Variants in ZNF761 observed in about 807,000 individuals in gnomAD.
ZNF761 encodes the protein zinc finger protein 761.
A neutral mutation model predicts 59.9 loss-of-function variants in ZNF761; 43 were observed. That is an observed-to-expected ratio of 0.72 (90% CI 0.56 to 0.92). ZNF761 has a LOEUF of 0.92. ZNF761 is among the 40% of genes least tolerant of loss of function. ZNF761 has a pLI of 0.00. For missense variants in ZNF761, 850 were observed against 906.1 expected, an observed-to-expected ratio of 0.94 and a Z score of 0.79; for synonymous variants, 294 against 304.8, an observed-to-expected ratio of 0.96 and a Z score of 0.37.
intron 1 of ZNF761, among the ~76,000 whole-genome samples, chr19:53,440,600 G>A (rs1474540490): frequency 2.0e-5 from 3 of 151,994 alleles, no homozygotes; most frequent in Non-Finnish European, 4.4e-5. Flanking sequence ...TTCCCTTTTT[G>A]CAGGATGGGG....
chr19:53,441,795 G>A (rs1249262540), intron 1 of ZNF761: 1 of 1,066,676 alleles, frequency 9.4e-7, no homozygotes, highest in African/African-American at 1.6e-5. Context: ...CATAATCACA[G>A]AGAGGAGTCT....
chr19:53,455,013 A>C lies in ZNF761; in HGVS notation c.506A>C (p.His169Pro), dbSNP rs561910337. The C allele has an allele frequency of 8.1e-6, 13 of 1,614,056 alleles. No homozygotes were observed. The highest frequency in any genetic ancestry group is 1.1e-5 in the Non-Finnish European group (13 of 1,180,034). Residue 169 changes from histidine to proline, a missense_variant, in exon 5 of 5, where the codon CAC becomes CCC. Coordinates refer to ENST00000684525, the MANE Select transcript of ZNF761 (RefSeq NM_001289951.2). Reference protein sequence around the residue: ...KIDNQVVKSVHDASLVSTAQR... With the variant: ...KIDNQVVKSVPDASLVSTAQR... ...GATAATCAAGTTGTGAAGTCTGTCC[A>C]CGATGCTTCCTTGGTTTCAACAGCC... is the stretch of plus-strand genomic sequence containing the variant.
intron 4 of ZNF761, among the ~76,000 whole-genome samples, chr19:53,450,902 G>A (rs2086216065): frequency 6.6e-6 from 1 of 151,932 alleles, no homozygotes; most frequent in Admixed American, 6.6e-5. Flanking sequence ...GTCTAATGCA[G>A]GAGAGTCACT....
In ZNF761 at chr19:53,456,268, C is replaced by T; in HGVS notation, c.1761C>T (p.Tyr587=). The T allele has an allele frequency of 1.2e-6, 2 of 1,613,748 alleles. No homozygotes were observed. Among genetic ancestry groups the T allele is most frequent in the South Asian group, 1.1e-5 (1 of 91,050 alleles). The change falls in exon 5 of 5, where the codon TAC becomes TAT. Residue 587 remains tyrosine, a synonymous_variant. Coordinates refer to ENST00000684525, the MANE Select transcript of ZNF761 (RefSeq NM_001289951.2). ...AATGTGAAGATAGTGACAAAGCTTA[C>T]AGTTTCAAATCAAACCTTGAAATAC... is the stretch of plus-strand genomic sequence containing the variant. ...PYKCEDSDKA[Y]SFKSNLEIHQ...
rs2086279874 is a variant in ZNF761 at position 53,457,152 on chromosome 19, CTT to C, written c.*406_*407del. On this transcript the variant is annotated 3_prime_UTR_variant, in exon 5 of 5. Coordinates refer to ENST00000684525, the MANE Select transcript of ZNF761 (RefSeq NM_001289951.2). The stretch of plus-strand genomic sequence containing the variant: ...TCAGGCAATCCATGGTGTAGGGAAA[CTT>C]TACTAAGGTAATGATTGTCACAAAG... 1.9e-6 allele frequency: 1 copy of C among 513,764 alleles called. No individual in the cohort carries two copies. Among genetic ancestry groups the C allele is most frequent in the Admixed American group, 2.3e-5 (1 of 42,990 alleles). The allele number at this position is 513,764 out of a possible 1,614,324, so 31.8% of individuals were successfully genotyped here.
Position 53,457,500 on chromosome 19 carries a change from A to G in ZNF761, c.*752A>G, listed in dbSNP as rs373754722. The stretch of plus-strand genomic sequence containing the variant: ...GACAGAAATCTTACAAATGTCATCA[A>G]TGTGCCAAGGTCTTCAGTCTGAGTT... On this transcript the variant is annotated 3_prime_UTR_variant, in exon 5 of 5. Transcript: ENST00000684525. The G allele has an allele frequency of 2.0e-4, 80 of 390,652 alleles. 1 individual carries two copies. Among genetic ancestry groups the G allele is most frequent in the African/African-American group, 7.6e-4 (36 of 47,100 alleles). 24.2% of individuals were successfully genotyped at this position (390,652 alleles called of 1,614,324 possible). A position where few individuals can be genotyped will look rare whatever the true frequency, so the allele number is the denominator to read the frequency against.
rs542169314 is a variant in ZNF761 at position 53,456,717 on chromosome 19, G to A, written c.2210G>A (p.Arg737His). 2.0e-5 allele frequency: 33 copies of A among 1,613,610 alleles called. No individual in the cohort carries two copies. The African/African-American group carries it at 2.4e-4, about 12-fold the overall frequency. ...CAGAAGTCAAACCTTACATGCCATC[G>A]TAGACTTCATACTGGAGAAAAACAA... ...FSQKSNLTCHRRLHTGEKQV is the reference protein window; with the variant it reads ...FSQKSNLTCHHRLHTGEKQV The change falls in exon 5 of 5, where the codon CGT (arginine) becomes CAT (histidine). Residue 737 changes from arginine (R) to histidine (H), a missense_variant. By Grantham distance (29) the Arg-to-His change is conservative. Transcript: ENST00000684525.
In ZNF761 at chr19:53,446,354, C is replaced by A. The variant is rs996365787; in HGVS notation, c.-74+17C>A. The stretch of plus-strand genomic sequence containing the variant: ...AGATTACAGGTATGTGCTACCACAC[C>A]TGGCTAATTATTGTATTTTTATTTT... On this transcript the variant is annotated intron_variant, in intron 2 of 4. Coordinates refer to ENST00000684525, the MANE Select transcript of ZNF761 (RefSeq NM_001289951.2). 2.0e-5 allele frequency: 3 copies of A among 152,010 alleles called. No individual in the cohort carries two copies. The highest frequency in any genetic ancestry group is 2.4e-5 in the African/African-American group (1 of 41,392). 9.4% of individuals were successfully genotyped at this position (152,010 alleles called of 1,614,324 possible).
intron 3 of ZNF761, among the ~76,000 whole-genome samples, chr19:53,449,208 T>C (rs1366750844): frequency 6.6e-6 from 1 of 152,120 alleles, no homozygotes; most frequent in Non-Finnish European, 1.5e-5. Flanking sequence ...CATGCACCTG[T>C]AATTTCAGCT....
intron 4 of ZNF761, 189 bp downstream of exon 4, chr19:53,449,827 C>T (rs1290207696): frequency 7.3e-7 from 1 of 1,370,500 alleles, no homozygotes; most frequent in South Asian, 1.4e-5. Flanking sequence ...GTAGCTGGTA[C>T]AGGTGCATGC....
chr19:53,439,419 C>T (rs1336273011), intron 1 of ZNF761, among the ~76,000 whole-genome samples: 1 of 151,970 alleles, frequency 6.6e-6, no homozygotes, highest in African/African-American at 2.4e-5. Context: ...CATTCTCCTG[C>T]CTCAGCCTCC....
At chr19:53,437,686 T>A (rs1262599767) in intron 1 of ZNF761, among the ~76,000 whole-genome samples, 1 of 152,214 alleles carries the variant, frequency 6.6e-6, no homozygotes, top group Admixed American at 6.5e-5. Context: ...GCATTATAGC[T>A]ACTTTTTCTG....
At chr19:53,435,755 A>G (rs76958484) in intron 1 of ZNF761, among the ~76,000 whole-genome samples, 34,068 of 151,376 alleles carry the variant, frequency 0.23, 4,252 homozygotes, top group East Asian at 0.57. Flanking sequence ...AAGGGGGGTG[A>G]CAACAGCAAA....
rs1234462003 is a variant in ZNF761, at chr19:53,456,306, A to C, written c.1799A>C (p.His600Pro). 1 of 1,610,850 alleles carries C rather than the reference A, an allele frequency of 6.2e-7. No homozygotes were observed. The highest frequency in any genetic ancestry group is 1.3e-5 in the African/African-American group (1 of 74,792). ...KSNLEIHQKI[H>P]TEENPYKCNE... is the part of the protein sequence containing the mutation. ...AACCTTGAAATACATCAGAAAATTC[A>C]TACTGAAGAGAATCCTTACAAGTGT... The change falls in exon 5 of 5, where the codon CAT becomes CCT. Residue 600 changes from histidine (H) to proline (P), a missense_variant. His to Pro is a moderately conservative substitution (Grantham distance 77). Coordinates refer to ENST00000684525, the MANE Select transcript of ZNF761 (RefSeq NM_001289951.2).
rs562446692 is a variant in ZNF761, at chr19:53,447,972, C to T, written c.15+689C>T. Among the ~76,000 whole-genome samples the T allele has an allele frequency of 1.4e-4, 21 of 152,162 alleles. No individual in the cohort carries two copies. In the South Asian group the frequency reaches 4.4e-3, roughly 32 times the overall value. ...TTGTGAAACAGGTGTTTTCATTAAA[C>T]GTTTTTATAATTTTTATTATTATGT... On this transcript the variant is annotated intron_variant, in intron 3 of 4. Transcript: ENST00000684525.
chr19:53,456,210 A>G lies in ZNF761; in HGVS notation c.1703A>G (p.His568Arg). 1 of 1,614,122 alleles carries G rather than the reference A, an allele frequency of 6.2e-7. No homozygotes were observed. Among genetic ancestry groups the G allele is most frequent in the Non-Finnish European group, 8.5e-7 (1 of 1,180,006 alleles). Residue 568 changes from histidine to arginine, a missense_variant, in exon 5 of 5, where the codon CAT (histidine) becomes CGT (arginine). Physicochemically the swap from His to Arg is conservative, Grantham distance 29. Transcript: ENST00000684525. ...TFNQQLTLKR[H>R]RRLHSGENPY... ...AATCAGCAGTTAACCCTTAAACGCC[A>G]TCGTAGACTTCATAGTGGAGAGAAC...
intron 1 of ZNF761, among the ~76,000 whole-genome samples, chr19:53,441,031 C>T (rs2086094096): frequency 6.6e-6 from 1 of 152,216 alleles, no homozygotes; most frequent in African/African-American, 2.4e-5. Context: ...CCATTAACCA[C>T]AGCACTTTGG....
chr19:53,434,998 G>T (rs1190606833), intron 1 of ZNF761, among the ~76,000 whole-genome samples: 1 of 152,106 alleles, frequency 6.6e-6, no homozygotes, highest in South Asian at 2.1e-4. Context: ...TGCTGGGTAG[G>T]TGTGTGTGGA....
Position 53,447,566 on chromosome 19 carries a change from C to G in ZNF761, c.15+283C>G, listed in dbSNP as rs953433026. 2.6e-5 allele frequency among the ~76,000 whole-genome samples: 4 copies of G among 152,052 alleles called. No homozygotes were observed. The East Asian group carries it at 5.8e-4, about 22-fold the overall frequency. On this transcript the variant is annotated intron_variant, in intron 3 of 4. Coordinates refer to ENST00000684525, the MANE Select transcript of ZNF761 (RefSeq NM_001289951.2). Reference sequence around the variant, plus strand: ...GTCCCATGGTGTCAGTGCTGTTGGACAGCAGGGATTGTTCAGGGGCCACAT... The same window carrying G: ...GTCCCATGGTGTCAGTGCTGTTGGAGAGCAGGGATTGTTCAGGGGCCACAT...
Sources: gnomAD v4.1 joint callset for allele counts (sites outside exome capture counted in the v4.1 genomes callset) on GRCh38, gnomAD v4.1.1 for gene constraint, MANE v1.5 for transcripts, NCBI Gene and HGNC (gene_info 2026-07-23, HGNC 2026-07-21) for gene names.